Variants in CDK14 observed in about 807,000 individuals in gnomAD.
CDK14 encodes the protein cyclin dependent kinase 14.
Under a neutral mutation model 60.7 loss-of-function variants are expected in CDK14, and 34 were observed. The observed-to-expected ratio is 0.56, with a 90% CI of 0.43 to 0.75. The LOEUF (loss-of-function observed/expected upper bound fraction) is 0.75, where lower values mean the gene tolerates loss of function less well. CDK14 is among the 30% of genes least tolerant of loss of function. The pLI is 0.00. For missense variants in CDK14, 482 were observed against 564.1 expected (o/e 0.85, Z 1.47); for synonymous variants, 197 against 203.7 (o/e 0.97, Z 0.28).
chr7:90,670,529 G>A (rs1801075138), intron 2 of CDK14, among the ~76,000 whole-genome samples: 1 of 152,156 alleles, frequency 6.6e-6, no homozygotes, highest in Non-Finnish European at 1.5e-5. Context: ...CGATTTTGCA[G>A]GCTGTATGAG....
chr7:91,037,418 T>G (rs541990721), intron 10 of CDK14, among the ~76,000 whole-genome samples: 3 of 151,692 alleles, frequency 2.0e-5, no homozygotes, highest in African/African-American at 7.3e-5. Flanking sequence ...TGCATGTGTA[T>G]GTGTGCGCGC....
chr7:90,727,582 A>G (rs1802689637), intron 3 of CDK14, among the ~76,000 whole-genome samples: 1 of 152,128 alleles, frequency 6.6e-6, no homozygotes, highest in African/African-American at 2.4e-5. Flanking sequence ...GGAAACCACA[A>G]GTATGCTATG....
chr7:91,149,113 C>A (rs1351711221), intron 14 of CDK14, among the ~76,000 whole-genome samples: 2 of 152,156 alleles, frequency 1.3e-5, no homozygotes, highest in South Asian at 2.1e-4. Context: ...GCAAAAGGTC[C>A]ATATCAAGAT....
At chr7:90,636,183 T>C (rs1800142924) in intron 2 of CDK14, among the ~76,000 whole-genome samples, 1 of 151,440 alleles carries the variant, frequency 6.6e-6, no homozygotes, top group Admixed American at 6.6e-5. Context: ...TGAATAGGAG[T>C]GGTGAGAGAG....
chr7:91,195,202 C>G (rs1231410124), intron 14 of CDK14, among the ~76,000 whole-genome samples: 1 of 152,200 alleles, frequency 6.6e-6, no homozygotes, highest in African/African-American at 2.4e-5. Flanking sequence ...CACAGTGAAT[C>G]AAGACAAGAG....
At chr7:90,647,932 A>C (rs1584766738) in intron 2 of CDK14, among the ~76,000 whole-genome samples, 1 of 152,230 alleles carries the variant, frequency 6.6e-6, no homozygotes, top group Non-Finnish European at 1.5e-5. Context: ...GGGGATCAGG[A>C]GCAATGCATG....
rs865940041 is a variant in CDK14 at position 90,686,795 on chromosome 7, T to C, written c.124-39772T>C. Among the ~76,000 whole-genome samples the C allele has an allele frequency of 9.2e-5, 14 of 152,278 alleles. No individual in the cohort carries two copies. The South Asian group carries it at 2.3e-3, about 25-fold the overall frequency. On this transcript the variant is annotated intron_variant, in intron 2 of 14. Coordinates refer to ENST00000380050, the MANE Select transcript of CDK14 (RefSeq NM_001287135.2). ...GGCCATTAATCCTGAGATAAAGATT[T>C]GTTGGGAGAATCAATGGAACTTTTT...
chr7:91,045,832 A>G, intron 10 of CDK14, 65 bp from the exon 11 acceptor site: 1 of 1,022,298 alleles, frequency 9.8e-7, no homozygotes, highest in Non-Finnish European at 1.5e-6. Flanking sequence ...ATTTTTCTAC[A>G]CTTGAGAATT....
chr7:91,009,929 G>T (rs1796101419), intron 10 of CDK14, among the ~76,000 whole-genome samples: 1 of 151,994 alleles, frequency 6.6e-6, no homozygotes, highest in Non-Finnish European at 1.5e-5. Flanking sequence ...TTTAGGTCTA[G>T]GATCGATTTT....
At chr7:91,167,069 C>G (rs1330460425) in intron 14 of CDK14, among the ~76,000 whole-genome samples, 1 of 152,162 alleles carries the variant, frequency 6.6e-6, no homozygotes, top group East Asian at 1.9e-4. Flanking sequence ...TTAAATCCCC[C>G]TAAAAGGTCA....
intron 7 of CDK14, among the ~76,000 whole-genome samples, chr7:90,906,238 G>A (rs955338849): frequency 6.6e-6 from 1 of 152,088 alleles, no homozygotes. Context: ...TGTTTTTAAA[G>A]TTGATCTTCA....
Position 91,210,167 on chromosome 7 carries a change from A to C in CDK14, c.*3031A>C, listed in dbSNP as rs1219807711. The stretch of plus-strand genomic sequence containing the variant: ...CTGGCTTGTAGGCAGAGGAAACTGT[A>C]TATGTTACTGCCTTGTACTTTTCTC... On this transcript the variant is annotated 3_prime_UTR_variant, in exon 15 of 15. Coordinates refer to ENST00000380050, the MANE Select transcript of CDK14 (RefSeq NM_001287135.2). 1 of 152,648 alleles carries C rather than the reference A, an allele frequency of 6.6e-6. No homozygotes were observed. Among genetic ancestry groups the C allele is most frequent in the Non-Finnish European group, 1.5e-5 (1 of 68,044 alleles). The allele number at this position is 152,648 out of a possible 1,614,324, so 9.5% of individuals were successfully genotyped here. A position where few individuals can be genotyped will look rare whatever the true frequency, so the allele number is the denominator to read the frequency against.
intron 3 of CDK14, among the ~76,000 whole-genome samples, chr7:90,746,686 C>T (rs535706394): frequency 6.6e-5 from 10 of 152,236 alleles, no homozygotes; most frequent in Admixed American, 1.3e-4. Flanking sequence ...TGGAGGACAA[C>T]ACTCCCCTTT....
intron 8 of CDK14, among the ~76,000 whole-genome samples, chr7:90,918,725 A>G (rs916897778): frequency 1.3e-5 from 2 of 152,244 alleles, no homozygotes; most frequent in African/African-American, 4.8e-5. Flanking sequence ...TTTTGCTGAA[A>G]TATGATTATC....
intron 9 of CDK14, among the ~76,000 whole-genome samples, chr7:90,972,722 A>G (rs1023786717): frequency 6.6e-5 from 10 of 152,208 alleles, no homozygotes; most frequent in Non-Finnish European, 1.5e-5. Context: ...TATTTCAGTG[A>G]TCTGTTTCTT....
chr7:90,812,157 C>T (rs1025761228), intron 5 of CDK14, among the ~76,000 whole-genome samples: 2 of 152,178 alleles, frequency 1.3e-5, no homozygotes, highest in Admixed American at 6.5e-5. Flanking sequence ...GTTATAAAGA[C>T]ACATGCCCAT....
At chr7:90,884,833 G>T (rs777045641) in intron 6 of CDK14, among the ~76,000 whole-genome samples, 2 of 152,138 alleles carry the variant, frequency 1.3e-5, no homozygotes, top group African/African-American at 2.4e-5. Context: ...AAGCAATGGG[G>T]AAAGGATCTC....
intron 5 of CDK14, among the ~76,000 whole-genome samples, chr7:90,856,937 A>G (rs1423531425): frequency 1.3e-5 from 2 of 152,180 alleles, no homozygotes; most frequent in African/African-American, 4.8e-5. Context: ...GAGAAAGAAC[A>G]CATAAGATGA....
intron 7 of CDK14, among the ~76,000 whole-genome samples, chr7:90,912,306 CA>C (rs1275081347): frequency 6.6e-6 from 1 of 152,134 alleles, no homozygotes; most frequent in African/African-American, 2.4e-5. Context: ...GACAGAAATT[CA>C]AGAATCATGT....
Sources: allele counts gnomAD v4.1 joint callset (sites outside exome capture counted in the v4.1 genomes callset), GRCh38; gene constraint gnomAD v4.1.1; transcripts MANE v1.5; gene names NCBI Gene and HGNC (gene_info 2026-07-23, HGNC 2026-07-21).